Variants in RGS8 observed in about 807,000 individuals in gnomAD.
The protein encoded by RGS8 is regulator of G protein signaling 8.
In RGS8, 8 loss-of-function variants were observed where a neutral mutation model predicts 21.7. The observed-to-expected ratio is 0.37, with a 90% CI of 0.22 to 0.66. The LOEUF is 0.66. Among genes scored for constraint, RGS8 ranks in the 30% least tolerant of loss-of-function variants. RGS8 has a pLI of 0.59. For missense variants in RGS8, 157 were observed against 217.9 expected, an observed-to-expected ratio of 0.72 and a Z score of 1.76; for synonymous variants, 80 against 83.6, an observed-to-expected ratio of 0.96 and a Z score of 0.24.
upstream of RGS8, among the ~76,000 whole-genome samples, chr1:182,688,919 G>A (rs1330251363): frequency 6.6e-6 from 1 of 152,170 alleles, no homozygotes; most frequent in Admixed American, 6.5e-5. Context: ...AGGGAATGCA[G>A]ACCCGGCAAC....
Position 182,684,058 on chromosome 1 carries a change from G to T in RGS8, n.221+298C>A, listed in dbSNP as rs1664627576. 1.3e-5 allele frequency among the ~76,000 whole-genome samples: 2 copies of T among 152,238 alleles called. No individual in the cohort carries two copies. Among genetic ancestry groups the T allele is most frequent in the Non-Finnish European group, 2.9e-5 (2 of 68,046 alleles). On this transcript the variant is annotated intron_variant and non_coding_transcript_variant, in intron 1 of 4. Coordinates refer to the RGS8 transcript ENST00000515211. This position sits in a 1 kb window ranked among gnomAD's most constrained non-coding sequence, Gnocchi z 4.2. The stretch of plus-strand genomic sequence containing the variant: ...AGGATCACCTTTGAGGAGAAAGCAG[G>T]TGTTAGGGGACCTGAGGAGTTAGGG...
In RGS8 at chr1:182,684,154, T is replaced by C. The variant is rs569757754; in HGVS notation, n.221+202A>G. On this transcript the variant is annotated intron_variant and non_coding_transcript_variant, in intron 1 of 4. Coordinates refer to the RGS8 transcript ENST00000515211. The surrounding 1 kb of genome is among the most constrained non-coding windows in gnomAD (Gnocchi z 4.2). ...ACCTGCTAACTGGGAAGAACAGGCATATTTCTACACCCTTGCTCCTGGCGG... is the reference window on the plus strand; with the variant it reads ...ACCTGCTAACTGGGAAGAACAGGCACATTTCTACACCCTTGCTCCTGGCGG... Among the ~76,000 whole-genome samples, 13 of 152,326 alleles carry C rather than the reference T, an allele frequency of 8.5e-5. No homozygotes were observed. Among genetic ancestry groups the C allele is most frequent in the African/African-American group, 3.1e-4 (13 of 41,580 alleles).
chr1:182,691,607 T>TAA, the RGS8 span, among the ~76,000 whole-genome samples: 313 of 27,278 alleles, frequency 0.011, 12 homozygotes, highest in African/African-American at 0.025. Flanking sequence ...CCCTTCATGT[T>TAA]AAAAAAAAAA....
chr1:182,669,753 C>T lies in RGS8; in HGVS notation c.-103-1G>A. On this transcript the variant is annotated splice_acceptor_variant, in intron 2 of 6. Coordinates refer to ENST00000483095, the Ensembl canonical transcript of RGS8. LOFTEE classifies it low-confidence loss of function (5UTR_SPLICE). ...AATTTACCCTTGCACGTCCTCTCAC[C>T]TAAAATCAAAGAATCTGCTGTAAGA... 4 of 1,586,274 alleles carry T rather than the reference C, an allele frequency of 2.5e-6. No individual in the cohort carries two copies. The highest frequency in any genetic ancestry group is 3.4e-6 in the Non-Finnish European group (4 of 1,164,444).
the RGS8 span, among the ~76,000 whole-genome samples, chr1:182,745,513 A>T: frequency 1.3e-5 from 2 of 152,250 alleles, no homozygotes; most frequent in Non-Finnish European, 2.9e-5. Context: ...GCATCCAAGG[A>T]CTTGAAAGTA....
At chr1:182,650,766 T>C (rs1449325855) in intron 5 of RGS8, among the ~76,000 whole-genome samples, 1 of 152,136 alleles carries the variant, frequency 6.6e-6, no homozygotes, top group African/African-American at 2.4e-5. Flanking sequence ...GGTGGGAGGA[T>C]CACCTGAACC....
chr1:182,646,619 G>C, exon 7 of RGS8: 3 of 906,618 alleles, frequency 3.3e-6, no homozygotes, highest in Non-Finnish European at 5.1e-6. Flanking sequence ...CTCACCCCCA[G>C]CCTCCCACCC....
the RGS8 span, among the ~76,000 whole-genome samples, chr1:182,721,118 A>AT: frequency 7.9e-6 from 1 of 126,712 alleles, no homozygotes; most frequent in African/African-American, 2.8e-5. Context: ...TATATATATG[A>AT]TTTTAATCTC....
At chr1:182,738,769 C>G in the RGS8 span, among the ~76,000 whole-genome samples, 1 of 152,182 alleles carries the variant, frequency 6.6e-6, no homozygotes, top group Non-Finnish European at 1.5e-5. Context: ...CAATAAAGAC[C>G]TTGAAACCAA....
chr1:182,727,767 C>A, the RGS8 span, among the ~76,000 whole-genome samples: 1 of 151,898 alleles, frequency 6.6e-6, no homozygotes, highest in Non-Finnish European at 1.5e-5. Flanking sequence ...CCAGTGTGTT[C>A]TCTCATTATG....
At chr1:182,740,597 C>T in the RGS8 span, among the ~76,000 whole-genome samples, 1 of 101,764 alleles carries the variant, frequency 9.8e-6, no homozygotes, top group Non-Finnish European at 1.8e-5. Flanking sequence ...GGGTGTTTCT[C>T]GCAGAGGGGG....
At chr1:182,651,106 C>A (rs182267985) in intron 5 of RGS8, among the ~76,000 whole-genome samples, 65 of 152,232 alleles carry the variant, frequency 4.3e-4, no homozygotes, top group Non-Finnish European at 1.5e-5. Flanking sequence ...AATAGAAACC[C>A]GAGATAAACT....
chr1:182,672,689 C>G, upstream of RGS8: 1 of 1,062,340 alleles, frequency 9.4e-7, no homozygotes, highest in Non-Finnish European at 1.5e-6. Context: ...TCTCCCTCAT[C>G]CATCACCTAG....
chr1:182,642,205 C>T (rs1662497190), downstream of RGS8: 1 of 152,284 alleles, frequency 6.6e-6, no homozygotes, highest in African/African-American at 2.4e-5. Flanking sequence ...GCCACGGGGA[C>T]AGGAAGGCAT....
the RGS8 span, among the ~76,000 whole-genome samples, chr1:182,730,679 C>A: frequency 6.7e-6 from 1 of 149,236 alleles, no homozygotes; most frequent in Admixed American, 6.7e-5. Flanking sequence ...CACTGCACCC[C>A]AGCCTGGGTG....
intron 5 of RGS8, among the ~76,000 whole-genome samples, chr1:182,660,465 C>T (rs74128237): frequency 0.025 from 3,741 of 152,074 alleles, 145 homozygotes; most frequent in African/African-American, 0.083. Context: ...GGCAAGGAAG[C>T]AAAGACATTT....
At chr1:182,711,965 T>G in the RGS8 span, among the ~76,000 whole-genome samples, 2 of 152,224 alleles carry the variant, frequency 1.3e-5, no homozygotes, top group African/African-American at 4.8e-5. Flanking sequence ...TTTCAGAGTA[T>G]GAATGATAAC....
chr1:182,665,026 G>T (rs986003688), intron 5 of RGS8, among the ~76,000 whole-genome samples: 1 of 152,158 alleles, frequency 6.6e-6, no homozygotes, highest in African/African-American at 2.4e-5. Flanking sequence ...CCCACCCAGT[G>T]CCTTTCATTT....
At chr1:182,708,077 A>G in the RGS8 span, among the ~76,000 whole-genome samples, 1 of 152,190 alleles carries the variant, frequency 6.6e-6, no homozygotes, top group African/African-American at 2.4e-5. Flanking sequence ...GATAAAACTA[A>G]AGCTTAGAAA....
Sources: allele counts gnomAD v4.1 joint callset (sites outside exome capture counted in the v4.1 genomes callset), GRCh38; gene constraint gnomAD v4.1.1; non-coding constraint Gnocchi (gnomAD v3.1); transcripts MANE v1.5; gene names NCBI Gene and HGNC (gene_info 2026-07-23, HGNC 2026-07-21).